USH2A: variants seen among roughly 807,000 people sequenced by gnomAD.
The protein encoded by USH2A is Usher syndrome 2A (autosomal recessive, mild).
USH2A carries 443 observed loss-of-function variants against 538.9 expected under a neutral mutation model. That is an observed-to-expected ratio of 0.82 (90% confidence interval 0.76 to 0.89). The LOEUF (loss-of-function observed/expected upper bound fraction) is 0.89, where lower values mean the gene tolerates loss of function less well. USH2A is among the 40% of genes least tolerant of loss of function. The pLI, the probability that USH2A is intolerant of heterozygous loss-of-function variation, is 0.00. For missense variants in USH2A, 6,633 were observed against 6,324.8 expected (o/e 1.05, Z -1.65); for synonymous variants, 2,413 against 2,273.5 (o/e 1.06, Z -1.75).
chr1:216,420,850 C>A lies in USH2A; in HGVS notation c.485+1002G>T, dbSNP rs117065798. ...AAATTTAAAACAAAATGAAGACATG[C>A]CAACTTTCACTTGGCAAATTGAAAC... On this transcript the variant is annotated intron_variant, in intron 2 of 71. Coordinates refer to ENST00000307340, the MANE Select transcript of USH2A (RefSeq NM_206933.4). Among the ~76,000 whole-genome samples, 281 of 152,190 alleles carry A rather than the reference C, an allele frequency of 1.8e-3. 7 individuals are homozygous for A. The East Asian group carries it at 0.04, about 22-fold the overall frequency.
At chr1:215,750,222 C>A (rs1660583181) in intron 58 of USH2A, among the ~76,000 whole-genome samples, 1 of 152,116 alleles carries the variant, frequency 6.6e-6, no homozygotes, top group South Asian at 2.1e-4. Flanking sequence ...CTTGATTAGG[C>A]CTTTTTGGGG....
intron 61 of USH2A, among the ~76,000 whole-genome samples, chr1:215,683,157 G>A (rs1033143893): frequency 1.3e-5 from 2 of 151,650 alleles, no homozygotes; most frequent in Non-Finnish European, 2.9e-5. Flanking sequence ...AAAAGTGCTG[G>A]GATTACAGGT....
chr1:216,381,111 T>A (rs1358043166), intron 3 of USH2A, among the ~76,000 whole-genome samples: 1 of 152,104 alleles, frequency 6.6e-6, no homozygotes, highest in South Asian at 2.1e-4. Flanking sequence ...GAAATTAGTG[T>A]GTTTTACAGA....
At chr1:215,993,467 C>A (rs1668053824) in intron 34 of USH2A, among the ~76,000 whole-genome samples, 1 of 151,538 alleles carries the variant, frequency 6.6e-6, no homozygotes. Flanking sequence ...ATAAACAGCC[C>A]TGCTGAAGTT....
intron 11 of USH2A, among the ~76,000 whole-genome samples, chr1:216,270,863 C>T (rs1415859808): frequency 6.6e-6 from 1 of 152,110 alleles, no homozygotes; most frequent in African/African-American, 2.4e-5. Context: ...GCATGAGCCA[C>T]TGTGCCTTGC....
At position 216,296,822 on chromosome 1, in the gene USH2A, C is replaced by T. The variant is rs562642161; in HGVS notation, c.1645-4452G>A. Among the ~76,000 whole-genome samples, 3 of 152,150 alleles carry T rather than the reference C, an allele frequency of 2.0e-5. 1 individual carries two copies. In the South Asian group the frequency reaches 6.2e-4, roughly 32 times the overall value. ...GAAATTGACCTCTTTACATTTCCCT[C>T]ACCAGCAATGCCCATCTGCAAATCA... On this transcript the variant is annotated intron_variant, in intron 9 of 71. Transcript: ENST00000307340.
intron 40 of USH2A, among the ~76,000 whole-genome samples, chr1:215,889,413 A>C (rs1412313324): frequency 6.6e-6 from 1 of 152,086 alleles, no homozygotes; most frequent in Non-Finnish European, 1.5e-5. Flanking sequence ...CTTCCCCTAC[A>C]TTTTTTTCTA....
chr1:216,185,542 T>C (rs527642751), intron 20 of USH2A, among the ~76,000 whole-genome samples: 9 of 152,052 alleles, frequency 5.9e-5, no homozygotes, highest in South Asian at 2.1e-4. Flanking sequence ...CTCGTTTCCA[T>C]TGATGTCTGA....
rs549282318 is a variant in USH2A at position 216,061,869 on chromosome 1, C to T, written c.6049+8232G>A. On this transcript the variant is annotated intron_variant, in intron 30 of 71. Coordinates refer to ENST00000307340, the MANE Select transcript of USH2A (RefSeq NM_206933.4). ...CTCAGCACTCCTACTCTACCAAACACTGGGAAGAAAGAAGCTGAAACTGTA... is the reference window on the plus strand; with the variant it reads ...CTCAGCACTCCTACTCTACCAAACATTGGGAAGAAAGAAGCTGAAACTGTA... Among the ~76,000 whole-genome samples, 8 of 152,324 alleles carry T rather than the reference C, an allele frequency of 5.3e-5. No individual in the cohort carries two copies. In the South Asian group the frequency reaches 1.2e-3, roughly 24 times the overall value.
At position 216,327,618 on chromosome 1, in the gene USH2A, C is replaced by A; in HGVS notation, c.821G>T (p.Arg274Leu). 2.5e-6 allele frequency: 4 copies of A among 1,613,168 alleles called. No individual in the cohort carries two copies. The highest frequency in any genetic ancestry group is 2.5e-6 in the Non-Finnish European group (3 of 1,179,470). ...EQFVGRMQDFRLYQVALTNRE... is the reference protein window; with the variant it reads ...EQFVGRMQDFLLYQVALTNRE... ...GTTTGTAAGTGCCACTTGGTATAAT[C>A]GAAAATCTTGCATTCTTCCGACAAA... The change falls in exon 5 of 72, where the codon CGA becomes CTA. Residue 274 changes from arginine to leucine, a missense_variant. Transcript: ENST00000307340.
rs1171289531 is a variant in USH2A, at chr1:216,167,317, C to T, written c.4627+7935G>A. Among the ~76,000 whole-genome samples the T allele has an allele frequency of 2.0e-5, 3 of 152,194 alleles. No homozygotes were observed. In the East Asian group the frequency reaches 5.8e-4, roughly 29 times the overall value. On this transcript the variant is annotated intron_variant, in intron 21 of 71. Transcript: ENST00000307340. ...TCTCTAAAATAATAAGAATCAGTCA[C>T]AGCCAGTGCCAGGGAAAGGCAGTCT...
intron 32 of USH2A, among the ~76,000 whole-genome samples, chr1:216,041,630 T>C (rs1209448823): frequency 1.3e-5 from 2 of 152,020 alleles, no homozygotes; most frequent in Non-Finnish European, 2.9e-5. Flanking sequence ...TCTGATATTG[T>C]AGAGGGTAAA....
intron 3 of USH2A, among the ~76,000 whole-genome samples, chr1:216,391,967 A>C (rs557737600): frequency 6.6e-6 from 1 of 152,318 alleles, no homozygotes; most frequent in East Asian, 1.9e-4. Context: ...TCTATGCCTC[A>C]GTAGTCTCAT....
intron 21 of USH2A, among the ~76,000 whole-genome samples, chr1:216,098,861 G>A (rs557411954): frequency 1.3e-5 from 2 of 152,270 alleles, no homozygotes; most frequent in African/African-American, 4.8e-5. Context: ...TGTTTTTAGA[G>A]AATATGAAGG....
intron 30 of USH2A, 68 bp downstream of exon 30, chr1:216,070,033 G>T (rs560490997): frequency 6.0e-5 from 93 of 1,556,540 alleles, no homozygotes; most frequent in Non-Finnish European, 8.1e-5. Context: ...ATTTGCAGAA[G>T]ATTTTTATTT....
chr1:215,944,727 G>A (rs556727379), intron 37 of USH2A, among the ~76,000 whole-genome samples: 7 of 152,094 alleles, frequency 4.6e-5, no homozygotes, highest in Non-Finnish European at 1.0e-4. Context: ...AATTAATGTT[G>A]CTTAAATGAA....
chr1:215,685,128 C>T (rs1210906756), intron 61 of USH2A, among the ~76,000 whole-genome samples: 1 of 152,046 alleles, frequency 6.6e-6, no homozygotes, highest in Non-Finnish European at 1.5e-5. Context: ...GGATAGAGTA[C>T]ATCCAGGCAA....
rs200292718 is a variant in USH2A, at chr1:216,233,680, A to AT, written c.2810-1545dup. Among the ~76,000 whole-genome samples, 527 of 152,100 alleles carry AT rather than the reference A, an allele frequency of 3.5e-3. 2 individuals carry two copies. The highest frequency in any genetic ancestry group is 0.012 in the African/African-American group (498 of 41,506). On this transcript the variant is annotated intron_variant, in intron 13 of 71. Coordinates refer to ENST00000307340, the MANE Select transcript of USH2A (RefSeq NM_206933.4). ...ACTTTAGCTTACCTCTAAAACTCAT[A>AT]TTTTTTTTCTTATGGAAAAAGGAAA...
Position 215,994,165 on chromosome 1 carries a change from C to T in USH2A, c.6658-998G>A, listed in dbSNP as rs188908137. Among the ~76,000 whole-genome samples the T allele has an allele frequency of 3.1e-3, 477 of 152,010 alleles. 7 individuals are homozygous for T. Among genetic ancestry groups the T allele is most frequent in the Non-Finnish European group, 2.5e-3 (169 of 67,944 alleles). On this transcript the variant is annotated intron_variant, in intron 34 of 71. Coordinates refer to ENST00000307340, the MANE Select transcript of USH2A (RefSeq NM_206933.4). ...AAAAGGCACTAAATTTTACCAAAAT[C>T]AAAAAGAAAATAAAGCAAAATCATA... is the stretch of plus-strand genomic sequence containing the variant.
Sources: gnomAD v4.1 joint callset for allele counts (sites outside exome capture counted in the v4.1 genomes callset) on GRCh38, gnomAD v4.1.1 for gene constraint, MANE v1.5 for transcripts, NCBI Gene and HGNC (gene_info 2026-07-23, HGNC 2026-07-21) for gene names.